The following MCUB variants were observed in gnomAD, a reference collection of about 807,000 sequenced individuals.
MCUB encodes calcium uniporter regulatory subunit MCUb, mitochondrial.
Under a neutral mutation model 41.4 loss-of-function variants are expected in MCUB, and 46 were observed. The ratio of observed to expected loss-of-function variants is 1.11; its 90% CI spans 0.88 to 1.42. MCUB has a LOEUF of 1.42. MCUB is among the 40% of genes most tolerant of loss of function. The pLI, the probability that MCUB is intolerant of heterozygous loss-of-function variation, is 0.00. For missense variants in MCUB, 403 were observed against 404.9 expected (o/e 1.00, Z 0.04); for synonymous variants, 148 against 148.2 (o/e 1.00, Z 0.01).
chr4:109,648,615 T>C (rs1269490651), intron 1 of MCUB: 1 of 451,056 alleles, frequency 2.2e-6, no homozygotes. Context: ...TGCTACAAAA[T>C]GCAGTTTTTG....
chr4:109,564,930 C>G (rs1213639767), intron 1 of MCUB, among the ~76,000 whole-genome samples: 1 of 152,184 alleles, frequency 6.6e-6, no homozygotes, highest in Admixed American at 6.5e-5. Flanking sequence ...AAATTAGATT[C>G]TTACAGCAAC....
At chr4:109,633,546 G>C (rs979765989) in intron 1 of MCUB, among the ~76,000 whole-genome samples, 1 of 152,138 alleles carries the variant, frequency 6.6e-6, no homozygotes, top group Non-Finnish European at 1.5e-5. Context: ...TGGGATTACA[G>C]GCATGAGCCA....
chr4:109,677,528 C>G (rs1729600029), intron 4 of MCUB, among the ~76,000 whole-genome samples: 1 of 152,126 alleles, frequency 6.6e-6, no homozygotes, highest in Non-Finnish European at 1.5e-5. Flanking sequence ...AACTTGATCC[C>G]TAATGCAAAG....
intron 1 of MCUB, among the ~76,000 whole-genome samples, chr4:109,616,453 A>G (rs762160762): frequency 3.3e-5 from 5 of 152,186 alleles, no homozygotes; most frequent in Non-Finnish European, 7.3e-5. Context: ...TGAGCCATTT[A>G]TTACCCAACA....
chr4:109,599,667 A>T (rs968093840), intron 1 of MCUB, among the ~76,000 whole-genome samples: 6 of 148,360 alleles, frequency 4.0e-5, no homozygotes, highest in Non-Finnish European at 8.8e-5. Context: ...AATCATGTTA[A>T]TATTTATTTA....
intron 6 of MCUB, chr4:109,684,924 T>C (rs1360491370): frequency 2.6e-6 from 1 of 386,058 alleles, no homozygotes; most frequent in African/African-American, 2.1e-5. Context: ...AAAAACTGAA[T>C]TTGCATTGCA....
intron 1 of MCUB, among the ~76,000 whole-genome samples, chr4:109,611,739 T>TA (rs968337142): frequency 4.4e-4 from 67 of 152,080 alleles, no homozygotes; most frequent in Admixed American, 1.7e-3. Flanking sequence ...TTCTCTCTGT[T>TA]AAAAAAAAGG....
Position 109,656,211 on chromosome 4 carries a change from C to T in MCUB, c.100-2800C>T, listed in dbSNP as rs111287013. On this transcript the variant is annotated intron_variant, in intron 1 of 7. Transcript: ENST00000394650. ...TGACTCATATGTCTTTAGCATTATA[C>T]GGACTCTAGCATAGAATTTGGTAGG... is the stretch of plus-strand genomic sequence containing the variant. Among the ~76,000 whole-genome samples, 8 of 151,932 alleles carry T rather than the reference C, an allele frequency of 5.3e-5. No homozygotes were observed. The East Asian group carries it at 5.8e-4, about 11-fold the overall frequency.
chr4:109,643,747 G>A (rs1433695956), intron 1 of MCUB, among the ~76,000 whole-genome samples: 3 of 147,630 alleles, frequency 2.0e-5, no homozygotes, highest in Non-Finnish European at 1.5e-5. Context: ...CAGGTGATCC[G>A]CCCACCTCAG....
intron 1 of MCUB, among the ~76,000 whole-genome samples, chr4:109,631,180 A>G (rs551162295): frequency 5.9e-5 from 9 of 152,206 alleles, no homozygotes; most frequent in Non-Finnish European, 1.2e-4. Context: ...TTTCCGCTCA[A>G]TTAGAAACTG....
At chr4:109,600,463 G>A (rs1179502700) in intron 1 of MCUB, among the ~76,000 whole-genome samples, 1 of 152,112 alleles carries the variant, frequency 6.6e-6, no homozygotes, top group African/African-American at 2.4e-5. Context: ...TCCACTTTCT[G>A]CTTTTCTATT....
Position 109,667,707 on chromosome 4 carries a change from A to G in MCUB, c.451+3313A>G, listed in dbSNP as rs554840354. On this transcript the variant is annotated intron_variant, in intron 4 of 7. Coordinates refer to ENST00000394650, the MANE Select transcript of MCUB (RefSeq NM_017918.5). ...TTTTCTTCTGCTTGCTTTTCATTTC[A>G]TTTGCTCCTCTTTCTCTAGTTTCTT... Among the ~76,000 whole-genome samples, 77 of 149,094 alleles carry G rather than the reference A, an allele frequency of 5.2e-4. 1 individual carries two copies. In the South Asian group the frequency reaches 0.015, roughly 30 times the overall value.
chr4:109,571,530 C>G (rs1456461285), intron 1 of MCUB, among the ~76,000 whole-genome samples: 1 of 152,176 alleles, frequency 6.6e-6, no homozygotes. Flanking sequence ...TCGCCCTGGT[C>G]TCCAGCTCCT....
chr4:109,562,940 G>T (rs1726676566), intron 1 of MCUB, among the ~76,000 whole-genome samples: 1 of 152,220 alleles, frequency 6.6e-6, no homozygotes, highest in East Asian at 1.9e-4. Flanking sequence ...AACACATTTA[G>T]TCTGAAGCGT....
At chr4:109,560,824 C>T (rs1726608322) in intron 1 of MCUB, among the ~76,000 whole-genome samples, 1 of 152,154 alleles carries the variant, frequency 6.6e-6, no homozygotes, top group African/African-American at 2.4e-5. Context: ...GGCCGGTTCC[C>T]TCTTGGTGAT....
intron 1 of MCUB, among the ~76,000 whole-genome samples, chr4:109,577,338 C>T (rs1300131894): frequency 2.0e-5 from 3 of 152,140 alleles, no homozygotes; most frequent in Non-Finnish European, 2.9e-5. Context: ...AGTCAGCACT[C>T]CTTTTGTTTC....
At chr4:109,630,031 G>C (rs1728440018) in intron 1 of MCUB, among the ~76,000 whole-genome samples, 1 of 152,160 alleles carries the variant, frequency 6.6e-6, no homozygotes, top group Admixed American at 6.5e-5. Flanking sequence ...CAACACATTA[G>C]CATATAAAAG....
intron 1 of MCUB, among the ~76,000 whole-genome samples, chr4:109,614,131 C>G (rs1728076360): frequency 6.6e-6 from 1 of 152,174 alleles, no homozygotes; most frequent in Non-Finnish European, 1.5e-5. Flanking sequence ...AATACTGGTT[C>G]ATAATGCAGA....
At chr4:109,659,358 G>C (rs1268691156) in intron 2 of MCUB, among the ~76,000 whole-genome samples, 2 of 152,096 alleles carry the variant, frequency 1.3e-5, no homozygotes, top group Non-Finnish European at 2.9e-5. Flanking sequence ...GGGAAGCCAC[G>C]GCAGGCGGAT....
Sources: gnomAD v4.1 joint callset for allele counts (sites outside exome capture counted in the v4.1 genomes callset) on GRCh38, gnomAD v4.1.1 for gene constraint, MANE v1.5 for transcripts, NCBI Gene and HGNC (gene_info 2026-07-23, HGNC 2026-07-21) for gene names.